The following RNASE10 variants were observed in gnomAD, a reference collection of about 807,000 sequenced individuals.
The protein encoded by RNASE10 is inactive ribonuclease-like protein 10.
Under a neutral mutation model 1.1 loss-of-function variants are expected in RNASE10, and 2 were observed. The ratio of observed to expected loss-of-function variants is 1.82; its 90% CI spans 0.74 to 5.73. The LOEUF (loss-of-function observed/expected upper bound fraction) is 5.73, where lower values mean the gene tolerates loss of function less well. Among genes scored for constraint, RNASE10 ranks in the 30% most tolerant of loss-of-function variants. The pLI, the probability that RNASE10 is intolerant of heterozygous loss-of-function variation, is 0.05. For missense variants in RNASE10, 276 were observed against 263.4 expected (o/e 1.05, Z -0.33); for synonymous variants, 97 against 96.2 (o/e 1.01, Z -0.05).
chr14:20,511,141 T>C, exon 2 of RNASE10: 1 of 1,456,998 alleles, frequency 6.9e-7, no homozygotes, highest in Non-Finnish European at 9.1e-7. Flanking sequence ...ATCATCTTTT[T>C]TCTCTTCACC....
chr14:20,504,686 T>G (rs1205510498), upstream of RNASE10, among the ~76,000 whole-genome samples: 1 of 23,716 alleles, frequency 4.2e-5, no homozygotes, highest in African/African-American at 4.2e-4. Flanking sequence ...AGACTCCGTC[T>G]CAAAAAAAAA....
chr14:20,504,899 G>A (rs1047766591), upstream of RNASE10, among the ~76,000 whole-genome samples: 1 of 151,972 alleles, frequency 6.6e-6, no homozygotes, highest in African/African-American at 2.4e-5. Context: ...GCAGCGGAGA[G>A]GAGCTCACAG....
In RNASE10 at chr14:20,510,124, G is replaced by GA. The variant is rs756992868; in HGVS notation, c.80-327dup. 7.8e-3 allele frequency among the ~76,000 whole-genome samples: 859 copies of GA among 109,738 alleles called. 3 individuals carry two copies. Among genetic ancestry groups the GA allele is most frequent in the African/African-American group, 0.015 (466 of 30,630 alleles). 72.0% of individuals were successfully genotyped at this position (109,738 alleles called of 152,430 possible). ...ACAGAGCAAGATCCTGTCTCAAAAG[G>GA]AAAAAAAAAAAAAAAAGAATCAATT... On this transcript the variant is annotated intron_variant, in intron 1 of 1. Transcript: ENST00000430083.
At chr14:20,506,721 T>C (rs1429974043) in intron 1 of RNASE10, among the ~76,000 whole-genome samples, 2 of 80,938 alleles carry the variant, frequency 2.5e-5, no homozygotes, top group Non-Finnish European at 4.8e-5. Flanking sequence ...GGTGGGGGGG[T>C]CAGCCCCCCG....
downstream of RNASE10, among the ~76,000 whole-genome samples, chr14:20,512,490 C>T: frequency 6.6e-6 from 1 of 152,210 alleles, no homozygotes. Flanking sequence ...AGACCCAAGT[C>T]AGGGACATAC....
upstream of RNASE10, among the ~76,000 whole-genome samples, chr14:20,504,262 G>A (rs1882631488): frequency 6.6e-6 from 1 of 152,298 alleles, no homozygotes; most frequent in Non-Finnish European, 1.5e-5. Flanking sequence ...AGCAGCCAGG[G>A]CACTGCTCAC....
chr14:20,512,562 G>C (rs1350824975), downstream of RNASE10, among the ~76,000 whole-genome samples: 2 of 152,192 alleles, frequency 1.3e-5, no homozygotes, highest in Non-Finnish European at 2.9e-5. Context: ...GCATTTTCCT[G>C]TTCTTTCTGT....
At position 20,506,184 on chromosome 14, in the gene RNASE10, G is replaced by GA. The variant is rs1555335563; in HGVS notation, c.79+165_79+166insA. Reference sequence around the variant, plus strand: ...AGCCACCCCGTCCGGGAGGGAGGTGGGGGGGGGTCAGCCCCCCGCCCGGCC... The same window carrying GA: ...AGCCACCCCGTCCGGGAGGGAGGTGGAGGGGGGGTCAGCCCCCCGCCCGGCC... On this transcript the variant is annotated intron_variant, in intron 1 of 1. Coordinates refer to ENST00000430083, the Ensembl canonical transcript of RNASE10. 5.4e-4 allele frequency among the ~76,000 whole-genome samples: 75 copies of GA among 137,856 alleles called. No homozygotes were observed. In the East Asian group the frequency reaches 0.013, roughly 23 times the overall value. The allele number at this position is 137,856 out of a possible 152,430, so 90.4% of individuals were successfully genotyped here.
At chr14:20,512,196 C>A (rs546276268), downstream of RNASE10, among the ~76,000 whole-genome samples, 1 of 152,148 alleles carries the variant, frequency 6.6e-6, no homozygotes, top group Non-Finnish European at 1.5e-5. Flanking sequence ...ATCGTTTCCG[C>A]TTTATTGCTC....
chr14:20,506,550 C>T (rs1882726467), intron 1 of RNASE10, among the ~76,000 whole-genome samples: 1 of 116,768 alleles, frequency 8.6e-6, no homozygotes, highest in Non-Finnish European at 1.8e-5. Context: ...GCGCCTCTGC[C>T]CGGCCGCCCC....
downstream of RNASE10, among the ~76,000 whole-genome samples, chr14:20,512,031 AAGAGAATG>A (rs1882911289): frequency 6.6e-6 from 1 of 152,134 alleles, no homozygotes; most frequent in African/African-American, 2.4e-5. Flanking sequence ...GGGGTGGGTC[AAGAGAATG>A]AGAAAAAGAG....
downstream of RNASE10, among the ~76,000 whole-genome samples, chr14:20,513,833 A>G (rs1019273304): frequency 2.6e-5 from 4 of 152,250 alleles, no homozygotes; most frequent in Non-Finnish European, 5.9e-5. Flanking sequence ...TGTGGGATCT[A>G]TATATACTAT....
chr14:20,505,748 G>C (rs1198460513), exon 1 of RNASE10: 2 of 105,976 alleles, frequency 1.9e-5, no homozygotes, highest in East Asian at 4.5e-4. Flanking sequence ...CGTCTGGGAA[G>C]TGAGGAGCGT....
exon 2 of RNASE10, chr14:20,511,052 C>T: frequency 2.0e-6 from 3 of 1,531,316 alleles, no homozygotes; most frequent in Non-Finnish European, 1.8e-6. Flanking sequence ...AATTACCTAA[C>T]TTCTGTTATA....
chr14:20,505,222 G>T (rs928096318), upstream of RNASE10, among the ~76,000 whole-genome samples: 1 of 139,182 alleles, frequency 7.2e-6, no homozygotes, highest in Non-Finnish European at 1.5e-5. Flanking sequence ...AACCCCAAAA[G>T]AATATATAGA....
At chr14:20,510,834 T>C (rs1555335895) in exon 2 of RNASE10, 2 of 1,614,160 alleles carry the variant, frequency 1.2e-6, no homozygotes, top group South Asian at 2.2e-5. Context: ...AATGCAATGA[T>C]ATGATGGCAC....
chr14:20,506,743 G>A (rs1882738634), intron 1 of RNASE10, among the ~76,000 whole-genome samples: 1 of 124,694 alleles, frequency 8.0e-6, no homozygotes, highest in Non-Finnish European at 1.7e-5. Flanking sequence ...CCGGCCAGCC[G>A]CCCCGTCCGG....
upstream of RNASE10, among the ~76,000 whole-genome samples, chr14:20,504,464 G>T (rs560704529): frequency 6.6e-6 from 1 of 151,816 alleles, no homozygotes; most frequent in African/African-American, 2.4e-5. Flanking sequence ...GAGGCGGGCG[G>T]GTCACGAGGT....
At chr14:20,504,711 T>C (rs1268584929), upstream of RNASE10, among the ~76,000 whole-genome samples, 1 of 62,236 alleles carries the variant, frequency 1.6e-5, no homozygotes, top group Non-Finnish European at 3.1e-5. Flanking sequence ...AAAAAAGGAA[T>C]CTGTCATTAC....
Sources: gnomAD v4.1 joint callset for allele counts (sites outside exome capture counted in the v4.1 genomes callset) on GRCh38, gnomAD v4.1.1 for gene constraint, MANE v1.5 for transcripts, NCBI Gene and HGNC (gene_info 2026-07-23, HGNC 2026-07-21) for gene names.